The following DOCK2 variants were observed in gnomAD, a reference collection of about 807,000 sequenced individuals.
DOCK2 encodes the protein dedicator of cytokinesis 2.
Under a neutral mutation model 248.9 loss-of-function variants are expected in DOCK2, and 87 were observed. That is an observed-to-expected ratio of 0.35 (90% CI 0.29 to 0.42). The LOEUF is 0.42. DOCK2 is among the 10% of genes least tolerant of loss of function. The probability of loss-of-function intolerance (pLI) is 1.00; values close to 1 mark genes in which losing one functional copy is unlikely to be tolerated. For synonymous variants in DOCK2, 805 were observed against 821.6 expected, an observed-to-expected ratio of 0.98 and a Z score of 0.35; for missense variants, 1,747 against 2,300.2, an observed-to-expected ratio of 0.76 and a Z score of 4.92.
chr5:170,079,037 C>T lies in DOCK2; in HGVS notation c.5057C>T (p.Pro1686Leu), dbSNP rs377714619. 19 of 1,614,114 alleles carry T rather than the reference C, an allele frequency of 1.2e-5. No individual in the cohort carries two copies. Among genetic ancestry groups the T allele is most frequent in the East Asian group, 8.9e-5 (4 of 44,878 alleles). Residue 1686 changes from proline to leucine, a missense_variant, in exon 49 of 52, where the codon CCG (proline) becomes CTG (leucine). Physicochemically the swap from Pro to Leu is moderately conservative, Grantham distance 98 (BLOSUM62 -3). This residue lies in a region of DOCK2 where 513 missense variants were observed against 586.1 expected (regional missense o/e 0.88). Transcript: ENST00000520908. ...PRVEQEEPIS[P>L]GSTLPEVKLR... ...GTGGAGCAGGAGGAACCGATCTCCCCGGGGAGCACCCTGCCTGAGGTCAAG... is the reference window on the plus strand; with the variant it reads ...GTGGAGCAGGAGGAACCGATCTCCCTGGGGAGCACCCTGCCTGAGGTCAAG...
intron 26 of DOCK2, among the ~76,000 whole-genome samples, chr5:169,809,054 C>G (rs532512577): frequency 6.6e-6 from 1 of 151,992 alleles, no homozygotes; most frequent in African/African-American, 2.4e-5. Context: ...TGCAGTGGCG[C>G]AATCTCAGCT....
chr5:170,082,026 G>A (rs763929797), intron 51 of DOCK2, 42 bp downstream of exon 51: 6 of 1,606,022 alleles, frequency 3.7e-6, no homozygotes, highest in Admixed American at 1.7e-5. Flanking sequence ...GCATTGGGAG[G>A]AGAAAGGGAA....
intron 23 of DOCK2, 97 bp downstream of exon 23, chr5:169,747,601 T>C (rs1763680762): frequency 1.8e-6 from 2 of 1,096,778 alleles, no homozygotes; most frequent in Non-Finnish European, 2.6e-6. Flanking sequence ...ATATGCAAAC[T>C]TGTATCCAGT....
intron 1 of DOCK2, among the ~76,000 whole-genome samples, chr5:169,653,753 G>A (rs562619098): frequency 1.3e-5 from 2 of 152,342 alleles, no homozygotes; most frequent in South Asian, 4.1e-4. Flanking sequence ...ATTGCAGGTG[G>A]ACCTGTCAGC....
At chr5:170,033,972 T>G (rs538175366) in intron 34 of DOCK2, among the ~76,000 whole-genome samples, 2 of 152,198 alleles carry the variant, frequency 1.3e-5, no homozygotes, top group Non-Finnish European at 2.9e-5. Flanking sequence ...TATTTCACTA[T>G]TAGACACATT....
chr5:169,868,943 G>T (rs1287804716), intron 27 of DOCK2, among the ~76,000 whole-genome samples: 2 of 152,122 alleles, frequency 1.3e-5, no homozygotes, highest in Admixed American at 1.3e-4. Context: ...TTGAATGGAG[G>T]CTGCAGCACT....
chr5:169,773,827 T>C (rs1765231172), intron 25 of DOCK2, among the ~76,000 whole-genome samples: 1 of 152,130 alleles, frequency 6.6e-6, no homozygotes, highest in South Asian at 2.1e-4. Context: ...CAGTTTCCCT[T>C]ATACTGTTCT....
chr5:170,072,142 T>A (rs764802737), intron 46 of DOCK2, among the ~76,000 whole-genome samples: 3 of 152,232 alleles, frequency 2.0e-5, no homozygotes, highest in Non-Finnish European at 2.9e-5. Context: ...GGTATATACC[T>A]ATGCATTGAT....
chr5:170,068,880 T>G (rs2113869026), intron 45 of DOCK2, among the ~76,000 whole-genome samples: 1 of 152,334 alleles, frequency 6.6e-6, no homozygotes, highest in South Asian at 2.1e-4. Context: ...AAAGTACTGT[T>G]GCTGCTACTG....
chr5:169,725,712 T>C lies in DOCK2; in HGVS notation c.2267+6921T>C, dbSNP rs189784091. 2.6e-5 allele frequency among the ~76,000 whole-genome samples: 4 copies of C among 151,746 alleles called. No individual in the cohort carries two copies. The East Asian group carries it at 7.8e-4, about 29-fold the overall frequency. ...TGATGTTCCCCACCATGTGTCCATG[T>C]GTTCTCATTGTTCACCTCTCACCTA... On this transcript the variant is annotated intron_variant, in intron 22 of 51. Transcript: ENST00000520908.
chr5:169,851,624 T>G (rs261084), intron 27 of DOCK2, among the ~76,000 whole-genome samples: 51,736 of 152,052 alleles, frequency 0.34, 9,724 homozygotes, highest in East Asian at 0.7. Context: ...GTTTTCACAC[T>G]GCTATAAAGA....
intron 27 of DOCK2, among the ~76,000 whole-genome samples, chr5:169,910,107 C>T (rs1016360919): frequency 6.6e-6 from 1 of 152,110 alleles, no homozygotes; most frequent in East Asian, 1.9e-4. Context: ...ATGTCTGTGG[C>T]CTGGTGTTAG....
intron 3 of DOCK2, among the ~76,000 whole-genome samples, chr5:169,669,748 T>C (rs1438855700): frequency 6.6e-6 from 1 of 152,190 alleles, no homozygotes; most frequent in Non-Finnish European, 1.5e-5. Flanking sequence ...GGTTCTCTTG[T>C]TCTAACCTCA....
At chr5:169,959,161 G>A (rs919198365) in intron 27 of DOCK2, among the ~76,000 whole-genome samples, 2 of 152,238 alleles carry the variant, frequency 1.3e-5, no homozygotes, top group Admixed American at 1.3e-4. Flanking sequence ...GGGAGGCCGA[G>A]GGGGGCGGAT....
intron 27 of DOCK2, among the ~76,000 whole-genome samples, chr5:169,972,330 G>C (rs1282348486): frequency 2.6e-5 from 4 of 152,124 alleles, no homozygotes; most frequent in Non-Finnish European, 5.9e-5. Context: ...TTATGGATCA[G>C]AGCTTCTCAA....
intron 22 of DOCK2, among the ~76,000 whole-genome samples, chr5:169,738,236 ACAGG>A (rs1304485499): frequency 2.6e-5 from 4 of 152,240 alleles, no homozygotes; most frequent in African/African-American, 9.6e-5. Flanking sequence ...AGGATTTTCA[ACAGG>A]AAAATGCTAT....
intron 22 of DOCK2, among the ~76,000 whole-genome samples, chr5:169,722,514 C>T (rs1419828106): frequency 1.3e-5 from 2 of 152,176 alleles, no homozygotes; most frequent in African/African-American, 2.4e-5. Context: ...AGGAGATGTT[C>T]ATGCAGGACA....
intron 34 of DOCK2, among the ~76,000 whole-genome samples, chr5:170,029,590 T>A (rs1369426151): frequency 6.6e-6 from 1 of 152,206 alleles, no homozygotes; most frequent in African/African-American, 2.4e-5. Flanking sequence ...ATAAATATTC[T>A]TCCATCTCCA....
Position 170,083,024 on chromosome 5 carries a change from A to AGC in DOCK2, c.*166_*167insGC. On this transcript the variant is annotated 3_prime_UTR_variant, in exon 52 of 52. Coordinates refer to ENST00000520908, the MANE Select transcript of DOCK2 (RefSeq NM_004946.3). The stretch of plus-strand genomic sequence containing the variant: ...AATCAGGTCCCAGAGCTTGAATGCT[A>AGC]ACAAGCCCAGCATCCCCTGGGGCTG... 1 of 752,966 alleles carries AGC rather than the reference A, an allele frequency of 1.3e-6. No individual in the cohort carries two copies. The highest frequency in any genetic ancestry group is 2.1e-6 in the Non-Finnish European group (1 of 467,210). 46.6% of individuals were successfully genotyped at this position (752,966 alleles called of 1,614,324 possible).
Sources: gnomAD v4.1 joint callset for allele counts (sites outside exome capture counted in the v4.1 genomes callset) on GRCh38, gnomAD v4.1.1 for gene constraint, gnomAD v4.1.1 regional missense constraint, MANE v1.5 for transcripts, NCBI Gene and HGNC (gene_info 2026-07-23, HGNC 2026-07-21) for gene names.